The following HIVEP3 variants were observed in gnomAD, a reference collection of about 807,000 sequenced individuals.
HIVEP3 encodes transcription factor HIVEP3.
Under a neutral mutation model 152.8 loss-of-function variants are expected in HIVEP3, and 49 were observed. That is an observed-to-expected ratio of 0.32 (90% CI 0.26 to 0.41). The LOEUF (loss-of-function observed/expected upper bound fraction) is 0.41, where lower values mean the gene tolerates loss of function less well. Ranked by LOEUF, HIVEP3 falls within the 10% of genes least tolerant of loss-of-function variation. HIVEP3 has a pLI of 1.00. For missense variants in HIVEP3, 2,790 were observed against 3,103.3 expected (o/e 0.90, Z 2.40); for synonymous variants, 1,269 against 1,289.0 (o/e 0.98, Z 0.33).
chr1:41,701,434 T>C (rs568329868), intron 1 of HIVEP3, among the ~76,000 whole-genome samples: 5 of 152,358 alleles, frequency 3.3e-5, no homozygotes, highest in Non-Finnish European at 4.4e-5. Context: ...CAGGTCCTCA[T>C]AGAGATGAAG....
chr1:41,772,679 G>T (rs1570504401), intron 1 of HIVEP3, among the ~76,000 whole-genome samples: 2 of 152,206 alleles, frequency 1.3e-5, no homozygotes, highest in African/African-American at 4.8e-5. Context: ...GGAGGCCGAG[G>T]TAGGTGGATC....
At chr1:41,972,120 T>C (rs1425707368) in intron 1 of HIVEP3, among the ~76,000 whole-genome samples, 1 of 152,234 alleles carries the variant, frequency 6.6e-6, no homozygotes, top group Non-Finnish European at 1.5e-5. Context: ...GACAGTGCCT[T>C]TGTTTTCATT....
At chr1:41,836,335 GAGA>G (rs1285130186) in intron 1 of HIVEP3, among the ~76,000 whole-genome samples, 3 of 152,216 alleles carry the variant, frequency 2.0e-5, no homozygotes, top group African/African-American at 7.2e-5. Context: ...ATGGCTGCAG[GAGA>G]AGGACAGGCA....
chr1:41,916,875 G>A (rs1270058830), intron 1 of HIVEP3, among the ~76,000 whole-genome samples: 1 of 152,098 alleles, frequency 6.6e-6, no homozygotes, highest in Admixed American at 6.5e-5. Flanking sequence ...CCCTGCAGGG[G>A]TCCTTCTCCT....
chr1:41,619,421 T>A (rs1183516677), intron 3 of HIVEP3, among the ~76,000 whole-genome samples: 3 of 152,240 alleles, frequency 2.0e-5, no homozygotes, highest in Admixed American at 2.0e-4. Context: ...GTTTTTAAGA[T>A]CTCACAAAAT....
chr1:42,013,995 C>T (rs1416521897), intron 1 of HIVEP3, among the ~76,000 whole-genome samples: 1 of 152,190 alleles, frequency 6.6e-6, no homozygotes, highest in African/African-American at 2.4e-5. Flanking sequence ...GGAAGATGCA[C>T]CCAGTCTGTC....
At chr1:41,620,485 C>A (rs1359599124) in intron 3 of HIVEP3, among the ~76,000 whole-genome samples, 2 of 152,170 alleles carry the variant, frequency 1.3e-5, no homozygotes, top group South Asian at 4.2e-4. Flanking sequence ...TCTGACTCTT[C>A]CATCCAAGCT....
At chr1:41,990,299 T>C (rs1377119353) in intron 1 of HIVEP3, among the ~76,000 whole-genome samples, 1 of 150,430 alleles carries the variant, frequency 6.6e-6, no homozygotes, top group Non-Finnish European at 1.5e-5. Context: ...CTGCTGTTAG[T>C]CTGATGGGCT....
intron 5 of HIVEP3, among the ~76,000 whole-genome samples, chr1:41,541,391 G>GAAGAATCC (rs1425215714): frequency 6.6e-6 from 1 of 152,186 alleles, no homozygotes; most frequent in Non-Finnish European, 1.5e-5. Context: ...TTTGTGGAAG[G>GAAGAATCC]AAGAATCCCT....
rs555300584 is a variant in HIVEP3, at chr1:41,507,952, A to T, written c.*2499T>A. ...CATCATTTAGAAATAGTCTCCAGTGACTCCTGGCCCCTGTGGCTTCTCTGC... is the reference window on the plus strand; with the variant it reads ...CATCATTTAGAAATAGTCTCCAGTGTCTCCTGGCCCCTGTGGCTTCTCTGC... On this transcript the variant is annotated 3_prime_UTR_variant, in exon 9 of 9. Coordinates refer to ENST00000372583, the MANE Select transcript of HIVEP3 (RefSeq NM_024503.5). 1 of 151,616 alleles carries T rather than the reference A, an allele frequency of 6.6e-6. No individual in the cohort carries two copies. The highest frequency in any genetic ancestry group is 2.1e-4 in the South Asian group (1 of 4,792). The allele number at this position is 151,616 out of a possible 1,614,324, so 9.4% of individuals were successfully genotyped here.
intron 1 of HIVEP3, among the ~76,000 whole-genome samples, chr1:41,943,317 A>G (rs372404280): frequency 1.3e-5 from 2 of 152,250 alleles, no homozygotes; most frequent in African/African-American, 4.8e-5. Flanking sequence ...ATTTAGGTGG[A>G]AGCTGGATCT....
chr1:41,975,364 G>C (rs899766312), intron 1 of HIVEP3, among the ~76,000 whole-genome samples: 4 of 152,158 alleles, frequency 2.6e-5, no homozygotes, highest in African/African-American at 9.7e-5. Context: ...ACACACAAAT[G>C]AATTTGTCCA....
chr1:41,639,449 C>G (rs888497885), intron 2 of HIVEP3, among the ~76,000 whole-genome samples: 1 of 152,188 alleles, frequency 6.6e-6, no homozygotes, highest in Non-Finnish European at 1.5e-5. Flanking sequence ...ACTCTCACCC[C>G]CTCCCTGGGT....
At chr1:41,739,987 A>G (rs1316346348) in intron 1 of HIVEP3, among the ~76,000 whole-genome samples, 4 of 152,214 alleles carry the variant, frequency 2.6e-5, no homozygotes, top group African/African-American at 9.6e-5. Context: ...ACCACGGCAT[A>G]ACCAGGAAGT....
intron 1 of HIVEP3, among the ~76,000 whole-genome samples, chr1:41,706,112 G>A (rs1325264295): frequency 6.6e-6 from 1 of 152,150 alleles, no homozygotes; most frequent in Admixed American, 6.5e-5. Context: ...TTTGTTACAT[G>A]GGTATATTTT....
At chr1:41,844,487 C>T (rs767499004) in intron 1 of HIVEP3, among the ~76,000 whole-genome samples, 2 of 152,158 alleles carry the variant, frequency 1.3e-5, no homozygotes, top group Non-Finnish European at 2.9e-5. Context: ...AGACGTCATC[C>T]GATGCCGCTT....
rs549793787 is a variant in HIVEP3 at position 41,947,729 on chromosome 1, G to A, written n.120-29205C>T. On this transcript the variant is annotated intron_variant and non_coding_transcript_variant, in intron 1 of 3. Transcript: ENST00000489103. ...TAGGAGTCCTTACACAGGTCCGAGGGACGAGCTTGCAACCCATGGCATACC... is the reference window on the plus strand; with the variant it reads ...TAGGAGTCCTTACACAGGTCCGAGGAACGAGCTTGCAACCCATGGCATACC... 2.5e-3 allele frequency among the ~76,000 whole-genome samples: 388 copies of A among 152,334 alleles called. 3 individuals are homozygous for A. The highest frequency in any genetic ancestry group is 2.0e-3 in the Non-Finnish European group (135 of 68,042).
chr1:41,560,275 C>A (rs940978236), intron 5 of HIVEP3, among the ~76,000 whole-genome samples: 1 of 152,180 alleles, frequency 6.6e-6, no homozygotes, highest in African/African-American at 2.4e-5. Flanking sequence ...GGTTAAACAA[C>A]TTTTGTGTGA....
chr1:41,791,611 A>AT (rs34242319), intron 1 of HIVEP3, among the ~76,000 whole-genome samples: 91,784 of 151,418 alleles, frequency 0.61, 28,933 homozygotes, highest in African/African-American at 0.79. Flanking sequence ...GTTGCCTGGG[A>AT]ATGCTGATAT....
Sources: allele counts gnomAD v4.1 joint callset (sites outside exome capture counted in the v4.1 genomes callset), GRCh38; gene constraint gnomAD v4.1.1; transcripts MANE v1.5; gene names NCBI Gene and HGNC (gene_info 2026-07-23, HGNC 2026-07-21).